The following IRX2 variants were observed in gnomAD, a reference collection of about 807,000 sequenced individuals.
IRX2 encodes iroquois-class homeodomain protein IRX-2.
In IRX2, 26 loss-of-function variants were observed where a neutral mutation model predicts 42.9. That is an observed-to-expected ratio of 0.61 (90% CI 0.44 to 0.84). The LOEUF (loss-of-function observed/expected upper bound fraction) is 0.84, where lower values mean the gene tolerates loss of function less well. Ranked by LOEUF, IRX2 falls within the 40% of genes least tolerant of loss-of-function variation. The pLI is 0.00. For missense variants in IRX2, 782 were observed against 713.9 expected (o/e 1.10, Z -1.09); for synonymous variants, 424 against 353.9 (o/e 1.20, Z -2.22).
the IRX2 span, among the ~76,000 whole-genome samples, chr5:2,736,429 G>T: frequency 2.0e-5 from 3 of 152,152 alleles, no homozygotes; most frequent in Non-Finnish European, 4.4e-5. Context: ...AACTTTTTAT[G>T]GATAAGTTAT....
At chr5:2,738,437 GCCT>G in the IRX2 span, among the ~76,000 whole-genome samples, 1 of 152,166 alleles carries the variant, frequency 6.6e-6, no homozygotes, top group Non-Finnish European at 1.5e-5. Flanking sequence ...ACGGGCCATG[GCCT>G]CCTATTTAAA....
In IRX2 at chr5:2,748,478, G is replaced by A; in HGVS notation, c.1230C>T (p.Tyr410=). ...AALQGQGLLR[Y]NSAAAAPGEA... is the part of the protein sequence containing the mutation. ...CGCCGGGGGCCGCGGCCGCAGAGTT[G>A]TACCGCAGGAGACCCTGGCCCTGCA... The change falls in exon 3 of 4, where the codon TAC becomes TAT. Residue 410 remains tyrosine (Y), a synonymous_variant. Coordinates refer to ENST00000302057, the MANE Select transcript of IRX2 (RefSeq NM_033267.5). 1 of 1,578,262 alleles carries A rather than the reference G, an allele frequency of 6.3e-7. No individual in the cohort carries two copies. Among genetic ancestry groups the A allele is most frequent in the Non-Finnish European group, 8.6e-7 (1 of 1,164,570 alleles).
chr5:2,751,277 C>A lies in IRX2; in HGVS notation c.137G>T (p.Ser46Ile). 7.0e-7 allele frequency: 1 copy of A among 1,428,338 alleles called. No individual in the cohort carries two copies. The highest frequency in any genetic ancestry group is 9.2e-7 in the Non-Finnish European group (1 of 1,091,140). The allele number at this position is 1,428,338 out of a possible 1,614,324, so 88.5% of individuals were successfully genotyped here. ...GAAGGCCGCCGAGCCCGGGTAGGGG[C>A]TGAACGCCGAGCCCGACGCCGAGCG... ...LARSASGSAF[S>I]PYPGSAAFTA... Residue 46 changes from serine (S) to isoleucine (I), a missense_variant, in exon 1 of 4, where the codon AGC (serine) becomes ATC (isoleucine). Around this residue, in one of 3 missense-constraint regions of IRX2, gnomAD observed 256 missense variants for 250.0 expected, o/e 1.02. Transcript: ENST00000302057. This position sits in a 1 kb window ranked among gnomAD's most constrained non-coding sequence, Gnocchi z 4.0.
At chr5:2,743,653 G>A (rs2111437517), downstream of IRX2, among the ~76,000 whole-genome samples, 1 of 152,268 alleles carries the variant, frequency 6.6e-6, no homozygotes, top group Admixed American at 6.5e-5. Flanking sequence ...GTCAACAACA[G>A]CAAACTTCTA....
downstream of IRX2, among the ~76,000 whole-genome samples, chr5:2,743,175 G>A (rs1392689093): frequency 1.3e-5 from 2 of 152,170 alleles, no homozygotes; most frequent in African/African-American, 2.4e-5. Flanking sequence ...CCTGAGCCCA[G>A]GCCCAAGGCT....
At chr5:2,740,306 CAGA>C in the IRX2 span, among the ~76,000 whole-genome samples, 5 of 152,068 alleles carry the variant, frequency 3.3e-5, no homozygotes. Context: ...CTTGGGGCCG[CAGA>C]AGGCGAGCGG....
At position 2,748,820 on chromosome 5, in the gene IRX2, C is replaced by T. The variant is rs201607586; in HGVS notation, c.888G>A (p.Leu296=). The change falls in exon 3 of 4, where the codon CTG becomes CTA. Residue 296 remains leucine (L), a synonymous_variant. Transcript: ENST00000302057. ...GGGGCGCGGCCTCGGGCGGGGGGCT[C>T]AGCAGCGGCGCCTCCAAGCCGGTAA... ...SPLTGLEAPL[L]SPPPEAAPRG... 4.7e-5 allele frequency: 71 copies of T among 1,519,950 alleles called. No individual in the cohort carries two copies. In the African/African-American group the frequency reaches 9.5e-4, roughly 20 times the overall value. The allele number at this position is 1,519,950 out of a possible 1,614,324, so 94.2% of individuals were successfully genotyped here. A position where few individuals can be genotyped will look rare whatever the true frequency, so the allele number is the denominator to read the frequency against.
chr5:2,749,952 G>C (rs1426389351), intron 1 of IRX2, among the ~76,000 whole-genome samples, 165 bp from the exon 2 acceptor site: 3 of 152,192 alleles, frequency 2.0e-5, no homozygotes, highest in Non-Finnish European at 4.4e-5. Flanking sequence ...AGTGTGATTC[G>C]GGACCAGCTG....
Position 2,748,499 on chromosome 5 carries a change from C to T in IRX2, c.1209G>A (p.Gln403=). ...AGTTGTACCGCAGGAGACCCTGGCC[C>T]TGCAGCGCCGCGTTCAAGTTCCCGT... ...TNYGNLNAAL[Q]GQGLLRYNSA... Residue 403 remains glutamine, a synonymous_variant, in exon 3 of 4, where the codon CAG becomes CAA. Transcript: ENST00000302057. The T allele has an allele frequency of 6.3e-7, 1 of 1,581,832 alleles. No individual in the cohort carries two copies. Among genetic ancestry groups the T allele is most frequent in the Non-Finnish European group, 8.6e-7 (1 of 1,165,452 alleles).
At chr5:2,745,025 G>A (rs772250201), downstream of IRX2, among the ~76,000 whole-genome samples, 2 of 152,164 alleles carry the variant, frequency 1.3e-5, no homozygotes, top group Non-Finnish European at 2.9e-5. Context: ...AGAGAGATCC[G>A]TTTGTCAATA....
Position 2,747,013 on chromosome 5 carries a change from A to G in IRX2, c.*551T>C, listed in dbSNP as rs11432. 90,489 of 151,778 alleles carry G rather than the reference A, an allele frequency of 0.6. 28,387 individuals carry two copies. Among genetic ancestry groups the G allele is most frequent in the Non-Finnish European group, 0.7 (47,620 of 67,940 alleles). The allele number at this position is 151,778 out of a possible 1,614,324, so 9.4% of individuals were successfully genotyped here. A position where few individuals can be genotyped will look rare whatever the true frequency, so the allele number is the denominator to read the frequency against. On this transcript the variant is annotated 3_prime_UTR_variant, in exon 4 of 4. Transcript: ENST00000302057. ...TGGACATGGGTGGAGGGGAGGTTGG[A>G]CAGGGCTGATAAAAGACTAGTACGC...
At chr5:2,748,069 A>T (rs542750294) in intron 3 of IRX2, among the ~76,000 whole-genome samples, 1 of 152,210 alleles carries the variant, frequency 6.6e-6, no homozygotes, top group Non-Finnish European at 1.5e-5. Flanking sequence ...ATTTCGTGGC[A>T]ATCTGGGTTT....
the IRX2 span, among the ~76,000 whole-genome samples, chr5:2,739,503 T>C: frequency 4.0e-5 from 6 of 151,308 alleles, no homozygotes; most frequent in East Asian, 1.2e-3. Context: ...GCAGCAGAAA[T>C]ACGGTGTGCA....
In IRX2 at chr5:2,746,765, T is replaced by TTTC. The variant is rs1553992923; in HGVS notation, c.*798_*799insGAA. Reference sequence around the variant, plus strand: ...GCTGACTTTTTTTTTTTTTTTTTTTTCAAAGCAATTGTGACACCTACCTGT... The same window carrying TTTC: ...GCTGACTTTTTTTTTTTTTTTTTTTTTTCCAAAGCAATTGTGACACCTACCTGT... On this transcript the variant is annotated 3_prime_UTR_variant, in exon 4 of 4. Coordinates refer to ENST00000302057, the MANE Select transcript of IRX2 (RefSeq NM_033267.5). 2 of 150,928 alleles carry TTTC rather than the reference T, an allele frequency of 1.3e-5. No individual in the cohort carries two copies. Among genetic ancestry groups the TTTC allele is most frequent in the Non-Finnish European group, 3.0e-5 (2 of 67,598 alleles). The allele number at this position is 150,928 out of a possible 1,614,324, so 9.3% of individuals were successfully genotyped here.
the IRX2 span, among the ~76,000 whole-genome samples, chr5:2,739,809 C>G: frequency 1.3e-5 from 2 of 152,138 alleles, no homozygotes; most frequent in East Asian, 1.9e-4. Flanking sequence ...GGAGGAGTCC[C>G]GACCACCACG....
In IRX2 at chr5:2,751,360, G is replaced by A. The variant is rs765814750; in HGVS notation, c.54C>T (p.Tyr18=). The change falls in exon 1 of 4, where the codon TAC becomes TAT. Residue 18 remains tyrosine (Y), a synonymous_variant. Transcript: ENST00000302057. The surrounding 1 kb of genome is among the most constrained non-coding windows in gnomAD (Gnocchi z 4.0). Reference sequence around the variant, plus strand: ...CCGACGCGCCGTAGGCCGGGCACGAGTAGAGCGCCAGCGAGCCGGGCGCCT... The same window carrying A: ...CCGACGCGCCGTAGGCCGGGCACGAATAGAGCGCCAGCGAGCCGGGCGCCT... ...LYQAPGSLAL[Y]SCPAYGASAL... is the part of the protein sequence containing the mutation. The A allele has an allele frequency of 1.4e-6, 2 of 1,434,240 alleles. No individual in the cohort carries two copies. The highest frequency in any genetic ancestry group is 1.5e-5 in the African/African-American group (1 of 66,680). 88.8% of individuals were successfully genotyped at this position (1,434,240 alleles called of 1,614,324 possible). A position where few individuals can be genotyped will look rare whatever the true frequency, so the allele number is the denominator to read the frequency against.
the IRX2 span, among the ~76,000 whole-genome samples, chr5:2,736,187 G>A: frequency 6.6e-6 from 1 of 152,182 alleles, no homozygotes; most frequent in Non-Finnish European, 1.5e-5. Flanking sequence ...CCCTCGGGTA[G>A]GTGATGTGTG....
At chr5:2,738,731 C>T in the IRX2 span, among the ~76,000 whole-genome samples, 1 of 152,158 alleles carries the variant, frequency 6.6e-6, no homozygotes, top group Non-Finnish European at 1.5e-5. Context: ...ACGCTTGGGC[C>T]TCCCTCCTCC....
Position 2,748,945 on chromosome 5 carries a change from C to A in IRX2, c.763G>T (p.Glu255Ter), listed in dbSNP as rs1212151327. The A allele has an allele frequency of 2.5e-6, 4 of 1,597,158 alleles. No homozygotes were observed. Among genetic ancestry groups the A allele is most frequent in the Non-Finnish European group, 3.4e-6 (4 of 1,179,532 alleles). ...AGGTCGTCATACTTGTCCTTGCACTCCGAGCCCGATTCGCACAGGGGGTCC... is the reference window on the plus strand; with the variant it reads ...AGGTCGTCATACTTGTCCTTGCACTACGAGCCCGATTCGCACAGGGGGTCC... The part of the protein sequence containing the change: ...AGDPLCESGS[E>*]CKDKYDDLED... Residue 255 changes from glutamate (E) to a stop codon, truncating the protein, a stop_gained, in exon 3 of 4, where the codon GAG (glutamate) becomes TAG (stop). Coordinates refer to ENST00000302057, the MANE Select transcript of IRX2 (RefSeq NM_033267.5). LOFTEE classifies it high-confidence loss of function.
Sources: gnomAD v4.1 joint callset for allele counts (sites outside exome capture counted in the v4.1 genomes callset) on GRCh38, gnomAD v4.1.1 for gene constraint, gnomAD v4.1.1 regional missense constraint, Gnocchi (gnomAD v3.1) non-coding constraint, MANE v1.5 for transcripts, NCBI Gene and HGNC (gene_info 2026-07-23, HGNC 2026-07-21) for gene names.